Variants in DCLK1 observed in about 807,000 individuals in gnomAD.
DCLK1 encodes the protein serine/threonine-protein kinase DCLK1.
In DCLK1, 16 loss-of-function variants were observed where a neutral mutation model predicts 86.2. The observed-to-expected ratio is 0.19, with a 90% CI of 0.13 to 0.28. The LOEUF is 0.28. DCLK1 is among the 10% of genes least tolerant of loss of function. The pLI, the probability that DCLK1 is intolerant of heterozygous loss-of-function variation, is 1.00. For missense variants in DCLK1, 590 were observed against 940.2 expected (o/e 0.63, Z 4.87); for synonymous variants, 369 against 370.5 (o/e 1.00, Z 0.05).
chr13:35,943,946 A>G (rs1427470875), intron 4 of DCLK1, among the ~76,000 whole-genome samples: 2 of 152,110 alleles, frequency 1.3e-5, no homozygotes, highest in African/African-American at 4.8e-5. Flanking sequence ...GTCTCTATCT[A>G]TAGTGCACTA....
At chr13:35,896,264 C>T (rs1873973630) in intron 4 of DCLK1, among the ~76,000 whole-genome samples, 3 of 151,968 alleles carry the variant, frequency 2.0e-5, no homozygotes, top group Admixed American at 1.3e-4. Context: ...TTAGGCCAGG[C>T]GTAGTGGCTC....
At chr13:35,806,020 T>C (rs1225329146) in intron 14 of DCLK1, among the ~76,000 whole-genome samples, 3 of 152,228 alleles carry the variant, frequency 2.0e-5, no homozygotes, top group Non-Finnish European at 4.4e-5. Flanking sequence ...CAGAATCATT[T>C]TCATAAAAAT....
chr13:35,982,065 C>T (rs1002578687), intron 3 of DCLK1, among the ~76,000 whole-genome samples: 1 of 152,078 alleles, frequency 6.6e-6, no homozygotes, highest in Non-Finnish European at 1.5e-5. Flanking sequence ...TTTTTGAGAG[C>T]TCTAATTATA....
Position 35,839,083 on chromosome 13 carries a change from G to A in DCLK1, c.1120+9C>T. On this transcript the variant is annotated intron_variant, in intron 7 of 16. Coordinates refer to ENST00000360631, the MANE Select transcript of DCLK1 (RefSeq NM_001330071.2). Reference sequence around the variant, plus strand: ...TGCCTCCTCAGATACCAAGTCCCAAGCTCATCACCTTCTCCAGGGCCATCG... The same window carrying A: ...TGCCTCCTCAGATACCAAGTCCCAAACTCATCACCTTCTCCAGGGCCATCG... The A allele has an allele frequency of 1.9e-6, 3 of 1,593,230 alleles. No individual in the cohort carries two copies. Among genetic ancestry groups the A allele is most frequent in the African/African-American group, 1.3e-5 (1 of 74,784 alleles).
At chr13:36,128,725 A>T (rs2138227549) in intron 1 of DCLK1, among the ~76,000 whole-genome samples, 1 of 152,056 alleles carries the variant, frequency 6.6e-6, no homozygotes, top group African/African-American at 2.4e-5. Context: ...AACTCATAGT[A>T]GTCAGAATTT....
At chr13:35,787,281 ATT>A (rs10718386) in intron 16 of DCLK1, among the ~76,000 whole-genome samples, 31 of 148,700 alleles carry the variant, frequency 2.1e-4, no homozygotes, top group East Asian at 1.2e-3. Context: ...AACCAGTGGA[ATT>A]TTTTTTTTTT....
chr13:36,099,326 T>A (rs1359979272), intron 3 of DCLK1, among the ~76,000 whole-genome samples: 1 of 152,220 alleles, frequency 6.6e-6, no homozygotes, highest in African/African-American at 2.4e-5. Flanking sequence ...ATAAAACACA[T>A]CTTTCAGTTA....
chr13:36,082,820 A>G (rs1302849768), intron 3 of DCLK1, among the ~76,000 whole-genome samples: 1 of 152,206 alleles, frequency 6.6e-6, no homozygotes, highest in Non-Finnish European at 1.5e-5. Context: ...AGCCCCAGCT[A>G]TCTACCTAGA....
chr13:35,840,250 T>C (rs374230764), intron 6 of DCLK1, among the ~76,000 whole-genome samples: 37 of 152,336 alleles, frequency 2.4e-4, no homozygotes, highest in African/African-American at 7.7e-4. Flanking sequence ...TTAAAGTATG[T>C]ACAAAGTAGG....
intron 2 of DCLK1, among the ~76,000 whole-genome samples, chr13:36,119,819 C>T (rs564449670): frequency 6.6e-6 from 1 of 152,250 alleles, no homozygotes; most frequent in South Asian, 2.1e-4. Context: ...AAAAGGATAT[C>T]AGTGGGGAAA....
chr13:36,026,020 T>A (rs1306743514), intron 3 of DCLK1, among the ~76,000 whole-genome samples: 1 of 152,006 alleles, frequency 6.6e-6, no homozygotes, highest in Non-Finnish European at 1.5e-5. Flanking sequence ...TCAATTCAGT[T>A]TGAGAGGTAA....
At chr13:35,821,904 A>T (rs9545473) in intron 11 of DCLK1, among the ~76,000 whole-genome samples, 2,087 of 151,678 alleles carry the variant, frequency 0.014, 25 homozygotes, top group Non-Finnish European at 0.02. Flanking sequence ...ATGTGGAGTA[A>T]ATGAAAAGCA....
chr13:35,864,033 T>C (rs1871593640), intron 5 of DCLK1, among the ~76,000 whole-genome samples: 1 of 152,218 alleles, frequency 6.6e-6, no homozygotes, highest in Non-Finnish European at 1.5e-5. Flanking sequence ...CTTTCAAATG[T>C]TTGCCCTTGC....
At chr13:35,819,457 T>G (rs1447972900) in intron 11 of DCLK1, among the ~76,000 whole-genome samples, 1 of 152,316 alleles carries the variant, frequency 6.6e-6, no homozygotes, top group Non-Finnish European at 1.5e-5. Context: ...CTGTGTACAA[T>G]GAAATCTATA....
At chr13:35,914,006 G>A (rs1875212006) in intron 4 of DCLK1, among the ~76,000 whole-genome samples, 1 of 151,956 alleles carries the variant, frequency 6.6e-6, no homozygotes. Context: ...AAAGAGGTAC[G>A]AATTTTTAGG....
intron 6 of DCLK1, chr13:35,846,987 T>A: frequency 1.0e-6 from 1 of 985,246 alleles, no homozygotes; most frequent in Non-Finnish European, 1.2e-6. Context: ...TCTATTTATG[T>A]TCCAACATTA....
intron 3 of DCLK1, among the ~76,000 whole-genome samples, chr13:36,027,019 TTC>T (rs1418268088): frequency 6.6e-6 from 1 of 152,222 alleles, no homozygotes; most frequent in Non-Finnish European, 1.5e-5. Context: ...TTTTTCTAAC[TTC>T]TCTGTTTCAA....
At chr13:35,805,089 T>C (rs931141568) in intron 15 of DCLK1, among the ~76,000 whole-genome samples, 2 of 152,228 alleles carry the variant, frequency 1.3e-5, no homozygotes, top group African/African-American at 4.8e-5. Flanking sequence ...AAGTCTGTTA[T>C]GCCTTCTTGA....
At chr13:36,104,252 C>T (rs1319946409) in intron 3 of DCLK1, among the ~76,000 whole-genome samples, 1 of 152,152 alleles carries the variant, frequency 6.6e-6, no homozygotes, top group East Asian at 1.9e-4. Flanking sequence ...TATGCTAATG[C>T]CGAGTGGATA....
Sources: gnomAD v4.1 joint callset for allele counts (sites outside exome capture counted in the v4.1 genomes callset) on GRCh38, gnomAD v4.1.1 for gene constraint, MANE v1.5 for transcripts, NCBI Gene and HGNC (gene_info 2026-07-23, HGNC 2026-07-21) for gene names.